ZNF208: variants seen among roughly 807,000 people sequenced by gnomAD.
The protein encoded by ZNF208 is zinc finger protein 208.
ZNF208 carries 10 observed loss-of-function variants against 12.1 expected under a neutral mutation model. That is an observed-to-expected ratio of 0.83 (90% confidence interval 0.51 to 1.40). The LOEUF (loss-of-function observed/expected upper bound fraction) is 1.40. Ranked by LOEUF, ZNF208 falls within the 40% of genes most tolerant of loss-of-function variation. The probability of loss-of-function intolerance (pLI) is 0.00; values close to 1 mark genes in which losing one functional copy is unlikely to be tolerated. For synonymous variants in ZNF208, 497 were observed against 488.4 expected (o/e 1.02, Z -0.23); for missense variants, 1,652 against 1,485.0 (o/e 1.11, Z -1.85).
chr19:21,987,746 A>G (rs1970652561), intron 2 of ZNF208, among the ~76,000 whole-genome samples: 1 of 152,182 alleles, frequency 6.6e-6, no homozygotes, highest in South Asian at 2.1e-4. Flanking sequence ...CAGCACAAAG[A>G]AACTTTGCCT....
At position 21,973,394 on chromosome 19, in the gene ZNF208, T is replaced by C. The variant is rs537603131; in HGVS notation, c.1640A>G (p.His547Arg). The C allele has an allele frequency of 5.0e-6, 8 of 1,612,212 alleles. No individual in the cohort carries two copies. Among genetic ancestry groups the C allele is most frequent in the Middle Eastern group, 1.7e-4 (1 of 6,056 alleles). Reference protein sequence around the residue: ...FSILTKHKVIHTGEKPYKCEE... With the variant: ...FSILTKHKVIRTGEKPYKCEE... Reference sequence around the variant, plus strand: ...ACATTTGTAGGGTTTCTCTCCAGTATGAATTACCTTATGTTTAGTAAGGAT... The same window carrying C: ...ACATTTGTAGGGTTTCTCTCCAGTACGAATTACCTTATGTTTAGTAAGGAT... Residue 547 changes from histidine (H) to arginine (R), a missense_variant, in exon 4 of 4, where the codon CAT (histidine) becomes CGT (arginine). Around this residue, in one of 3 missense-constraint regions of ZNF208, gnomAD observed 1,239 missense variants for 1,086.2 expected, o/e 1.14. Transcript: ENST00000397126.
rs73930948 is a variant in ZNF208 at position 21,950,345 on chromosome 19, G to A, written c.306-17108C>T. ...TGGGACTCCTCAAGAAAACAAAAAA[G>A]CCACCATAAATTGCATTTTAAAAGA... On this transcript the variant is annotated intron_variant, in intron 4 of 4. Transcript: ENST00000599916. Among the ~76,000 whole-genome samples, 1,288 of 152,078 alleles carry A rather than the reference G, an allele frequency of 8.5e-3. 16 individuals are homozygous for A. Among genetic ancestry groups the A allele is most frequent in the African/African-American group, 0.027 (1,117 of 41,490 alleles).
At chr19:21,994,751 C>G (rs1970799741) in intron 1 of ZNF208, among the ~76,000 whole-genome samples, 1 of 151,950 alleles carries the variant, frequency 6.6e-6, no homozygotes. Context: ...ATAATAATGA[C>G]TCTTCCGTTT....
intron 4 of ZNF208, among the ~76,000 whole-genome samples, chr19:21,946,935 C>A (rs1021337074): frequency 1.3e-5 from 2 of 148,542 alleles, no homozygotes; most frequent in Non-Finnish European, 3.0e-5. Context: ...GGCACAAGAA[C>A]TTCCAGTCTT....
chr19:21,978,129 G>A (rs1970467423), intron 3 of ZNF208, among the ~76,000 whole-genome samples: 2 of 152,188 alleles, frequency 1.3e-5, no homozygotes, highest in South Asian at 4.1e-4. Flanking sequence ...TTGGGGAAGG[G>A]ACAGCTGTGA....
chr19:21,971,444 T>A lies in ZNF208; in HGVS notation c.3590A>T (p.Tyr1197Phe), dbSNP rs1406799981. 1.2e-6 allele frequency: 2 copies of A among 1,610,284 alleles called. No homozygotes were observed. Among genetic ancestry groups the A allele is most frequent in the African/African-American group, 2.7e-5 (2 of 74,786 alleles). ...GGCTTTGCCACATTCTTCACATTTG[T>A]AGAGTTTCTCTCCAGTATGAATTAC... is the stretch of plus-strand genomic sequence containing the variant. Reference protein sequence around the residue: ...HKVIHTGEKLYKCEECGKAYK... With the variant: ...HKVIHTGEKLFKCEECGKAYK... Residue 1197 changes from tyrosine to phenylalanine, a missense_variant, in exon 4 of 4, where the codon TAC becomes TTC. By Grantham distance (22) the Tyr-to-Phe change is conservative. Transcript: ENST00000397126.
intron 4 of ZNF208, among the ~76,000 whole-genome samples, chr19:21,946,978 C>CT (rs931023294): frequency 4.7e-5 from 7 of 148,078 alleles, no homozygotes; most frequent in South Asian, 2.2e-4. Context: ...TCTTCTTCTT[C>CT]TTTTTTTTGG....
chr19:22,006,429 A>G (rs1209860133), intron 1 of ZNF208, among the ~76,000 whole-genome samples: 1 of 152,044 alleles, frequency 6.6e-6, no homozygotes, highest in Non-Finnish European at 1.5e-5. Context: ...GCCTCAAAAC[A>G]GTAACAATTT....
At chr19:21,959,479 A>G (rs1485893962) in intron 4 of ZNF208, among the ~76,000 whole-genome samples, 1 of 152,210 alleles carries the variant, frequency 6.6e-6, no homozygotes, top group Non-Finnish European at 1.5e-5. Flanking sequence ...ATAGTGTTGA[A>G]GTGAACCCTC....
chr19:21,970,941 A>T lies in ZNF208; in HGVS notation c.*250T>A, dbSNP rs987264517. On this transcript the variant is annotated 3_prime_UTR_variant, in exon 4 of 4. Coordinates refer to ENST00000397126, the MANE Select transcript of ZNF208 (RefSeq NM_007153.3). Reference sequence around the variant, plus strand: ...GCTTTGCCACATTCTTTGCATTTGTATGGTTTCTCTCCAGTATGAATTACC... The same window carrying T: ...GCTTTGCCACATTCTTTGCATTTGTTTGGTTTCTCTCCAGTATGAATTACC... Among the ~76,000 whole-genome samples the T allele has an allele frequency of 1.3e-5, 2 of 151,402 alleles. No individual in the cohort carries two copies. The highest frequency in any genetic ancestry group is 4.9e-5 in the African/African-American group (2 of 41,194).
At chr19:21,994,943 G>C (rs1371099145) in intron 1 of ZNF208, among the ~76,000 whole-genome samples, 1 of 127,986 alleles carries the variant, frequency 7.8e-6, no homozygotes, top group Non-Finnish European at 1.8e-5. Flanking sequence ...CTGCTTATCT[G>C]TTTTTCTTTT....
chr19:21,999,245 C>T (rs1257932739), intron 1 of ZNF208, among the ~76,000 whole-genome samples: 2 of 151,968 alleles, frequency 1.3e-5, no homozygotes, highest in Non-Finnish European at 2.9e-5. Flanking sequence ...ATTATCTGAA[C>T]TATACTTCAG....
In ZNF208 at chr19:21,993,817, T is replaced by C. The variant is rs140764157; in HGVS notation, c.4-4908A>G. ...CTAAAGTATTATATTCTTTGCTGAC[T>C]CTTTAAAGTTTGCAGAGGAAAAAAA... On this transcript the variant is annotated intron_variant, in intron 1 of 3. Transcript: ENST00000397126. 7.7e-3 allele frequency among the ~76,000 whole-genome samples: 1,170 copies of C among 152,214 alleles called. 9 individuals are homozygous for C. The highest frequency in any genetic ancestry group is 0.026 in the African/African-American group (1,097 of 41,520).
At chr19:21,997,861 A>G (rs1414894117) in intron 1 of ZNF208, 1 of 152,146 alleles carries the variant, frequency 6.6e-6, no homozygotes, top group Non-Finnish European at 1.5e-5. Flanking sequence ...CACAGACACC[A>G]CGGGATACTA....
chr19:21,989,359 T>C (rs1255320196), intron 1 of ZNF208, among the ~76,000 whole-genome samples: 1 of 151,412 alleles, frequency 6.6e-6, no homozygotes, highest in African/African-American at 2.4e-5. Flanking sequence ...GTCCTTGTGA[T>C]AGTTTACTGA....
At chr19:21,963,704 C>T (rs901069902), downstream of ZNF208, among the ~76,000 whole-genome samples, 2 of 151,916 alleles carry the variant, frequency 1.3e-5, no homozygotes, top group Non-Finnish European at 2.9e-5. Flanking sequence ...TAGTTTTATA[C>T]ACTTATTTGC....
At chr19:21,982,625 T>C (rs1261799121) in intron 3 of ZNF208, among the ~76,000 whole-genome samples, 2 of 152,148 alleles carry the variant, frequency 1.3e-5, no homozygotes, top group Non-Finnish European at 2.9e-5. Flanking sequence ...CCTATGAGGC[T>C]ACAGTAAACA....
At chr19:21,999,525 T>G (rs1386153164) in intron 1 of ZNF208, among the ~76,000 whole-genome samples, 1 of 152,196 alleles carries the variant, frequency 6.6e-6, no homozygotes, top group Non-Finnish European at 1.5e-5. Flanking sequence ...TAATCAGGTT[T>G]CTGCCAAAGA....
intron 4 of ZNF208, among the ~76,000 whole-genome samples, chr19:21,949,772 A>C (rs1969863566): frequency 6.6e-6 from 1 of 152,218 alleles, no homozygotes; most frequent in Non-Finnish European, 1.5e-5. Context: ...ACTTGACTTG[A>C]TGGCTAGAGG....
Sources: allele counts gnomAD v4.1 joint callset (sites outside exome capture counted in the v4.1 genomes callset), GRCh38; gene constraint gnomAD v4.1.1; regional missense constraint gnomAD v4.1.1; transcripts MANE v1.5; gene names NCBI Gene and HGNC (gene_info 2026-07-23, HGNC 2026-07-21).